Variants in METTL8 observed in about 807,000 individuals in gnomAD.
METTL8 encodes tRNA N(3)-cytidine methyltransferase METTL8, mitochondrial.
METTL8 carries 32 observed loss-of-function variants against 48.7 expected under a neutral mutation model. That is an observed-to-expected ratio of 0.66 (90% confidence interval 0.50 to 0.88). METTL8 has a LOEUF of 0.88. Ranked by LOEUF, METTL8 falls within the 40% of genes least tolerant of loss-of-function variation. The pLI is 0.00. For synonymous variants in METTL8, 136 were observed against 157.1 expected (o/e 0.87, Z 1.01); for missense variants, 464 against 474.4 (o/e 0.98, Z 0.20).
rs763021449 is a variant in METTL8 at position 171,356,952 on chromosome 2, A to ATTTTTTTTTTTT, written c.235+3458_235+3469dup. Among the ~76,000 whole-genome samples the ATTTTTTTTTTTT allele has an allele frequency of 1.3e-4, 10 of 78,484 alleles. 1 individual carries two copies. Among genetic ancestry groups the ATTTTTTTTTTTT allele is most frequent in the African/African-American group, 4.0e-4 (9 of 22,472 alleles). 51.5% of individuals were successfully genotyped at this position (78,484 alleles called of 152,430 possible). A position where few individuals can be genotyped will look rare whatever the true frequency, so the allele number is the denominator to read the frequency against. On this transcript the variant is annotated intron_variant, in intron 3 of 9. Coordinates refer to ENST00000375258, the MANE Select transcript of METTL8 (RefSeq NM_001321154.2). The stretch of plus-strand genomic sequence containing the variant: ...CAAATTAGCCTTGTTCAAAGACAAT[A>ATTTTTTTTTTTT]TTTTTTTTTTTTTTTTTGAGACAGG...
intron 2 of METTL8, chr2:171,375,276 C>A (rs1244017977): frequency 1.1e-6 from 1 of 907,508 alleles, no homozygotes; most frequent in Non-Finnish European, 1.8e-6. Context: ...TTTTCTTTGT[C>A]ATCTTGGAGG....
chr2:171,366,915 G>A (rs1685785858), intron 2 of METTL8, among the ~76,000 whole-genome samples: 1 of 150,722 alleles, frequency 6.6e-6, no homozygotes, highest in Admixed American at 6.6e-5. Flanking sequence ...AAAACTGGGA[G>A]GGTTAACAGC....
chr2:171,342,943 C>G (rs192889186), intron 3 of METTL8, among the ~76,000 whole-genome samples: 1 of 151,988 alleles, frequency 6.6e-6, no homozygotes, highest in African/African-American at 2.4e-5. Context: ...AAGGCCCAGG[C>G]AGGAGGACCA....
At chr2:171,328,373 C>T (rs1358305396) in intron 7 of METTL8, among the ~76,000 whole-genome samples, 1 of 152,228 alleles carries the variant, frequency 6.6e-6, no homozygotes, top group Admixed American at 6.5e-5. Flanking sequence ...CCTCCAGACT[C>T]AAGGTCTAGC....
At chr2:171,363,033 G>A (rs1311450437) in intron 2 of METTL8, among the ~76,000 whole-genome samples, 1 of 152,164 alleles carries the variant, frequency 6.6e-6, no homozygotes, top group East Asian at 1.9e-4. Flanking sequence ...ATCAAGCTGT[G>A]AGACAGTAAG....
In METTL8 at chr2:171,372,252, T is replaced by C. The variant is rs1559129526; in HGVS notation, c.144-11739A>G. Among the ~76,000 whole-genome samples, 7 of 152,010 alleles carry C rather than the reference T, an allele frequency of 4.6e-5. No homozygotes were observed. In the South Asian group the frequency reaches 1.4e-3, roughly 31 times the overall value. ...AATACAGAATTTGCCATCAGGTAGA[T>C]AGCAAGATGGGAAATAGGTACATAA... On this transcript the variant is annotated intron_variant, in intron 2 of 9. Coordinates refer to ENST00000375258, the MANE Select transcript of METTL8 (RefSeq NM_001321154.2).
intron 1 of METTL8, among the ~76,000 whole-genome samples, chr2:171,398,708 C>G (rs971658777): frequency 2.6e-4 from 40 of 152,140 alleles, no homozygotes; most frequent in Non-Finnish European, 1.3e-4. Flanking sequence ...ACTTGCCACA[C>G]ATACACACAA....
chr2:171,409,530 G>A (rs966728673), intron 1 of METTL8, among the ~76,000 whole-genome samples: 5 of 152,188 alleles, frequency 3.3e-5, no homozygotes, highest in African/African-American at 9.6e-5. Flanking sequence ...CAGTGCAAGC[G>A]GGAGGCAAAA....
At chr2:171,425,911 C>T (rs896761534) in intron 1 of METTL8, among the ~76,000 whole-genome samples, 2 of 152,168 alleles carry the variant, frequency 1.3e-5, no homozygotes, top group African/African-American at 4.8e-5. Flanking sequence ...GTAATCCCAG[C>T]ACTTTAGGAG....
At position 171,320,765 on chromosome 2, in the gene METTL8, AGGACTTGCCATC is replaced by A. The variant is rs1351510374; in HGVS notation, c.*3395_*3406del. On this transcript the variant is annotated 3_prime_UTR_variant, in exon 10 of 10. Coordinates refer to ENST00000375258, the MANE Select transcript of METTL8 (RefSeq NM_001321154.2). ...AGAAAGCTTGATAATTGTACTTTTG[AGGACTTGCCATC>A]AAGGCAAGTTTGTGCAAAAACCTTT... 6.6e-6 allele frequency: 1 copy of A among 152,230 alleles called. No homozygotes were observed. The highest frequency in any genetic ancestry group is 1.5e-5 in the Non-Finnish European group (1 of 68,034). The allele number at this position is 152,230 out of a possible 1,614,324, so 9.4% of individuals were successfully genotyped here. A position where few individuals can be genotyped will look rare whatever the true frequency, so the allele number is the denominator to read the frequency against.
intron 2 of METTL8, among the ~76,000 whole-genome samples, chr2:171,364,577 T>A (rs944041310): frequency 1.3e-5 from 2 of 152,176 alleles, no homozygotes; most frequent in Non-Finnish European, 2.9e-5. Flanking sequence ...TCCTTCCATA[T>A]CTATAGTACA....
intron 1 of METTL8, among the ~76,000 whole-genome samples, chr2:171,428,458 C>A (rs937450352): frequency 3.3e-5 from 5 of 151,528 alleles, no homozygotes; most frequent in African/African-American, 9.7e-5. Flanking sequence ...GAGTTCAGCA[C>A]CAGCCTTTGA....
intron 2 of METTL8, among the ~76,000 whole-genome samples, chr2:171,384,848 TAAAG>T (rs1687895364): frequency 2.6e-5 from 4 of 151,922 alleles, no homozygotes; most frequent in Non-Finnish European, 2.9e-5. Flanking sequence ...AATTAATTAA[TAAAG>T]TAAGTAAATA....
rs1427343680 is a variant in METTL8 at position 171,322,909 on chromosome 2, C to T, written c.*1263G>A. Reference sequence around the variant, plus strand: ...CTTTGTAGACCATATGGGTAACTTCCTGATGTTGCCATGGCATTTGTAAAC... The same window carrying T: ...CTTTGTAGACCATATGGGTAACTTCTTGATGTTGCCATGGCATTTGTAAAC... On this transcript the variant is annotated 3_prime_UTR_variant, in exon 10 of 10. Coordinates refer to ENST00000375258, the MANE Select transcript of METTL8 (RefSeq NM_001321154.2). 1 of 152,196 alleles carries T rather than the reference C, an allele frequency of 6.6e-6. No individual in the cohort carries two copies. The highest frequency in any genetic ancestry group is 2.4e-5 in the African/African-American group (1 of 41,432). 9.4% of individuals were successfully genotyped at this position (152,196 alleles called of 1,614,324 possible). A position where few individuals can be genotyped will look rare whatever the true frequency, so the allele number is the denominator to read the frequency against.
intron 1 of METTL8, among the ~76,000 whole-genome samples, chr2:171,408,441 T>C (rs770720932): frequency 2.0e-5 from 3 of 152,030 alleles, no homozygotes; most frequent in Admixed American, 6.6e-5. Context: ...ATTACAGGCA[T>C]GCACCACCAC....
At chr2:171,362,299 C>T (rs1685244384) in intron 2 of METTL8, among the ~76,000 whole-genome samples, 1 of 151,978 alleles carries the variant, frequency 6.6e-6, no homozygotes, top group Non-Finnish European at 1.5e-5. Context: ...GAGGGAGACA[C>T]TGAAAACACT....
chr2:171,391,443 T>C (rs1688570020), intron 2 of METTL8, among the ~76,000 whole-genome samples: 1 of 152,232 alleles, frequency 6.6e-6, no homozygotes, highest in Admixed American at 6.5e-5. Flanking sequence ...TTAAGAAATC[T>C]TTCTGACTAT....
chr2:171,330,267 C>A (rs1300386743), intron 7 of METTL8, among the ~76,000 whole-genome samples: 1 of 152,156 alleles, frequency 6.6e-6, no homozygotes, highest in Non-Finnish European at 1.5e-5. Flanking sequence ...TTAGGTTGTT[C>A]TGAATTTGTA....
At chr2:171,387,350 A>G (rs1049803419) in intron 2 of METTL8, among the ~76,000 whole-genome samples, 3 of 151,924 alleles carry the variant, frequency 2.0e-5, no homozygotes, top group African/African-American at 7.3e-5. Context: ...CCACACCCCC[A>G]TCGCACATCC....
Sources: allele counts gnomAD v4.1 joint callset (sites outside exome capture counted in the v4.1 genomes callset), GRCh38; gene constraint gnomAD v4.1.1; transcripts MANE v1.5; gene names NCBI Gene and HGNC (gene_info 2026-07-23, HGNC 2026-07-21).